Variants in ATP11B observed in about 807,000 individuals in gnomAD.
ATP11B encodes the protein phospholipid-transporting ATPase IF.
In ATP11B, 81 loss-of-function variants were observed where a neutral mutation model predicts 157.8. The observed-to-expected ratio is 0.51, with a 90% CI of 0.43 to 0.62. ATP11B has a LOEUF of 0.62. Ranked by LOEUF, ATP11B falls within the 20% of genes least tolerant of loss-of-function variation. ATP11B has a pLI of 0.00. For missense variants in ATP11B, 1,165 were observed against 1,402.2 expected, an observed-to-expected ratio of 0.83 and a Z score of 2.70; for synonymous variants, 451 against 469.4, an observed-to-expected ratio of 0.96 and a Z score of 0.51.
intron 12 of ATP11B, among the ~76,000 whole-genome samples, chr3:182,861,712 T>C (rs1056949998): frequency 2.0e-5 from 3 of 152,192 alleles, no homozygotes; most frequent in Non-Finnish European, 4.4e-5. Flanking sequence ...AAATTTGTGT[T>C]TTCAAGACAG....
intron 8 of ATP11B, chr3:182,844,637 A>G (rs560639576): frequency 1.6e-4 from 105 of 657,696 alleles, no homozygotes; most frequent in African/African-American, 4.7e-4. Context: ...TAGAAAAAGC[A>G]CTAACATACC....
rs182787141 is a variant in ATP11B, at chr3:182,878,196, A to G, written c.2253-1300A>G. On this transcript the variant is annotated intron_variant, in intron 19 of 29. Transcript: ENST00000323116. Reference sequence around the variant, plus strand: ...TTACCACTTATAGCTACAGTACAACACAACAGTGATTAGGCATACTATGAA... The same window carrying G: ...TTACCACTTATAGCTACAGTACAACGCAACAGTGATTAGGCATACTATGAA... 8.5e-4 allele frequency among the ~76,000 whole-genome samples: 129 copies of G among 152,360 alleles called. 1 individual carries two copies. The highest frequency in any genetic ancestry group is 3.0e-3 in the African/African-American group (123 of 41,580).
intron 25 of ATP11B, among the ~76,000 whole-genome samples, chr3:182,896,013 T>C (rs183630643): frequency 1.6e-4 from 25 of 152,334 alleles, no homozygotes; most frequent in Admixed American, 1.2e-3. Context: ...TACAAAACGA[T>C]GCAGTTTGGA....
At chr3:182,817,079 A>G (rs1717010720) in intron 1 of ATP11B, among the ~76,000 whole-genome samples, 1 of 152,188 alleles carries the variant, frequency 6.6e-6, no homozygotes, top group Non-Finnish European at 1.5e-5. Flanking sequence ...TGACTATAAT[A>G]TGATTGAATG....
chr3:182,919,747 A>AGG lies in ATP11B; in HGVS notation c.*1643_*1644insGG, dbSNP rs1725349475. On this transcript the variant is annotated 3_prime_UTR_variant, in exon 30 of 30. Coordinates refer to ENST00000323116, the MANE Select transcript of ATP11B (RefSeq NM_014616.3). ...AAGACTTTATCCTTGTTTGCTTGTA[A>AGG]ACTATTATTTTCTTGCTAATGTAAC... 6.6e-6 allele frequency: 1 copy of AGG among 152,190 alleles called. No homozygotes were observed. Among genetic ancestry groups the AGG allele is most frequent in the African/African-American group, 2.4e-5 (1 of 41,458 alleles). The allele number at this position is 152,190 out of a possible 1,614,324, so 9.4% of individuals were successfully genotyped here.
At chr3:182,867,562 G>T in intron 15 of ATP11B, 118 bp downstream of exon 15, 1 of 419,662 alleles carries the variant, frequency 2.4e-6, no homozygotes. Flanking sequence ...TTTTTCTACA[G>T]CCCACAAGTC....
At chr3:182,799,300 AG>A (rs1368439946) in intron 1 of ATP11B, among the ~76,000 whole-genome samples, 1 of 132,980 alleles carries the variant, frequency 7.5e-6, no homozygotes, top group Non-Finnish European at 1.6e-5. Flanking sequence ...TTTTTTTTGG[AG>A]ACAGTTTCGC....
chr3:182,917,802 G>A (rs1725235257), intron 29 of ATP11B: 13 of 984,534 alleles, frequency 1.3e-5, no homozygotes, highest in Non-Finnish European at 1.6e-5. Flanking sequence ...TTGAATTTTG[G>A]CTAATATTTT....
At chr3:182,889,619 G>A (rs1723041245) in intron 25 of ATP11B, 71 bp downstream of exon 25, 2 of 1,292,446 alleles carry the variant, frequency 1.5e-6, no homozygotes, top group South Asian at 1.5e-5. Flanking sequence ...TTGTCATAAA[G>A]TAAAATTTAA....
At chr3:182,899,335 T>C (rs979009820) in intron 28 of ATP11B, among the ~76,000 whole-genome samples, 1 of 151,818 alleles carries the variant, frequency 6.6e-6, no homozygotes, top group African/African-American at 2.4e-5. Flanking sequence ...GTATTTTTAG[T>C]AGAGACGGGG....
At chr3:182,836,292 C>G (rs748006817) in intron 5 of ATP11B, 50 bp from the exon 6 acceptor site, 80 of 1,608,752 alleles carry the variant, frequency 5.0e-5, no homozygotes, top group Middle Eastern at 3.3e-4. Context: ...AAAAGTAAGT[C>G]CTTGCCTTTT....
At chr3:182,813,603 C>T (rs1204876599) in intron 1 of ATP11B, among the ~76,000 whole-genome samples, 1 of 152,156 alleles carries the variant, frequency 6.6e-6, no homozygotes, top group Non-Finnish European at 1.5e-5. Context: ...AAGTTTCCTG[C>T]TAGCCCCTCT....
At chr3:182,827,643 C>CA (rs1441555172) in intron 2 of ATP11B, among the ~76,000 whole-genome samples, 14 of 151,674 alleles carry the variant, frequency 9.2e-5, no homozygotes, top group African/African-American at 3.1e-4. Flanking sequence ...ATTTCTTTAA[C>CA]ATTCTAGGTT....
chr3:182,863,463 A>C (rs1394933131), intron 12 of ATP11B, among the ~76,000 whole-genome samples: 1 of 151,806 alleles, frequency 6.6e-6, no homozygotes. Flanking sequence ...TCTTTAAGAA[A>C]CTTCTGGTGA....
Position 182,820,308 on chromosome 3 carries a change from A to T in ATP11B, c.76A>T (p.Asn26Tyr), listed in dbSNP as rs753301030. Residue 26 changes from asparagine to tyrosine, a missense_variant, in exon 2 of 30, where the codon AAC (asparagine) becomes TAC (tyrosine). This residue lies in a region of ATP11B where 91 missense variants were observed against 95.8 expected (regional missense o/e 0.95). Coordinates refer to ENST00000323116, the MANE Select transcript of ATP11B (RefSeq NM_014616.3). Reference sequence around the variant, plus strand: ...TGACACAAGAACCATCTACGTAGCCAACAGGTTTCCTCAGAATGGCCTTTA... The same window carrying T: ...TGACACAAGAACCATCTACGTAGCCTACAGGTTTCCTCAGAATGGCCTTTA... ...QSDTRTIYVANRFPQNGLYTP... is the reference protein window; with the variant it reads ...QSDTRTIYVAYRFPQNGLYTP... 3 of 1,614,216 alleles carry T rather than the reference A, an allele frequency of 1.9e-6. No homozygotes were observed. Among genetic ancestry groups the T allele is most frequent in the Non-Finnish European group, 2.5e-6 (3 of 1,180,012 alleles).
Position 182,873,795 on chromosome 3 carries a change from G to T in ATP11B, c.2049-17G>T. On this transcript the variant is annotated splice_polypyrimidine_tract_variant and intron_variant, in intron 18 of 29. Transcript: ENST00000323116. ...TAAAAGTATTCTCTACTACTAATTT[G>T]TTTCTGTTCTTTTCAGACTACAAGA... 1.9e-6 allele frequency: 3 copies of T among 1,603,594 alleles called. No individual in the cohort carries two copies. Among genetic ancestry groups the T allele is most frequent in the Non-Finnish European group, 2.6e-6 (3 of 1,170,858 alleles).
chr3:182,838,408 C>T (rs1201115548), intron 7 of ATP11B, among the ~76,000 whole-genome samples: 3 of 151,782 alleles, frequency 2.0e-5, no homozygotes, highest in Non-Finnish European at 4.4e-5. Context: ...ATAACTAATG[C>T]TTTGGTGTAT....
intron 1 of ATP11B, among the ~76,000 whole-genome samples, chr3:182,798,701 C>T (rs1253987723): frequency 6.6e-6 from 1 of 152,210 alleles, no homozygotes; most frequent in African/African-American, 2.4e-5. Context: ...ATGGTATCCA[C>T]ATATGGCTGT....
chr3:182,842,217 C>T, intron 8 of ATP11B, 95 bp downstream of exon 8: 1 of 859,822 alleles, frequency 1.2e-6, no homozygotes, highest in Non-Finnish European at 1.9e-6. Flanking sequence ...AAATAAGCAG[C>T]CCATCATGGG....
Sources: allele counts gnomAD v4.1 joint callset (sites outside exome capture counted in the v4.1 genomes callset), GRCh38; gene constraint gnomAD v4.1.1; regional missense constraint gnomAD v4.1.1; transcripts MANE v1.5; gene names NCBI Gene and HGNC (gene_info 2026-07-23, HGNC 2026-07-21).